ADGRE1: variants seen among roughly 807,000 people sequenced by gnomAD.
The protein encoded by ADGRE1 is adhesion G protein-coupled receptor E1.
Under a neutral mutation model 102.7 loss-of-function variants are expected in ADGRE1, and 82 were observed. The observed-to-expected ratio is 0.80, with a 90% confidence interval of 0.67 to 0.96. ADGRE1 has a LOEUF of 0.96. Among genes scored for constraint, ADGRE1 ranks in the 40% least tolerant of loss-of-function variants. The probability of loss-of-function intolerance (pLI) is 0.00; values close to 1 mark genes in which losing one functional copy is unlikely to be tolerated. For missense variants in ADGRE1, 1,032 were observed against 1,085.3 expected, an observed-to-expected ratio of 0.95 and a Z score of 0.69; for synonymous variants, 398 against 399.6, an observed-to-expected ratio of 1.00 and a Z score of 0.05.
intron 2 of ADGRE1, among the ~76,000 whole-genome samples, chr19:6,894,264 C>T (rs560800378): frequency 2.0e-5 from 3 of 152,276 alleles, no homozygotes; most frequent in Admixed American, 6.5e-5. Flanking sequence ...AGCAAGTGAG[C>T]CTCTTTCCTA....
At chr19:6,912,246 A>C (rs1351222443) in intron 10 of ADGRE1, among the ~76,000 whole-genome samples, 1 of 152,150 alleles carries the variant, frequency 6.6e-6, no homozygotes, top group African/African-American at 2.4e-5. Context: ...ACACACACAC[A>C]CATGCACACA....
At chr19:6,931,859 G>A (rs549557994) in intron 17 of ADGRE1, among the ~76,000 whole-genome samples, 2 of 151,842 alleles carry the variant, frequency 1.3e-5, no homozygotes, top group African/African-American at 4.8e-5. Context: ...CTGCCCTAAT[G>A]AGTTCATCTT....
At chr19:6,935,999 C>T (rs991576915) in intron 18 of ADGRE1, among the ~76,000 whole-genome samples, 1 of 152,180 alleles carries the variant, frequency 6.6e-6, no homozygotes, top group South Asian at 2.1e-4. Flanking sequence ...CTAACTTCCC[C>T]ACTCAACTAC....
intron 16 of ADGRE1, among the ~76,000 whole-genome samples, chr19:6,927,584 C>T (rs1974973977): frequency 6.6e-6 from 1 of 152,032 alleles, no homozygotes; most frequent in Non-Finnish European, 1.5e-5. Flanking sequence ...GACAGGTTGC[C>T]CTATCTAAGG....
At chr19:6,903,669 G>A in intron 6 of ADGRE1, 141 bp from the exon 7 acceptor site, 1 of 1,074,602 alleles carries the variant, frequency 9.3e-7, no homozygotes, top group South Asian at 1.5e-5. Flanking sequence ...ACCTCACCTA[G>A]ATGCAGAGGG....
chr19:6,895,582 C>T (rs900574342), intron 2 of ADGRE1: 4 of 152,170 alleles, frequency 2.6e-5, no homozygotes, highest in Non-Finnish European at 4.4e-5. Flanking sequence ...ATCCCCGGCC[C>T]CCTTCCCCAG....
chr19:6,898,685 C>T, intron 5 of ADGRE1: 1 of 1,006,658 alleles, frequency 9.9e-7, no homozygotes, highest in East Asian at 2.4e-5. Flanking sequence ...GGATTCATCT[C>T]TAGAAACTCT....
chr19:6,904,785 C>A (rs941323073), intron 8 of ADGRE1, among the ~76,000 whole-genome samples: 5 of 152,084 alleles, frequency 3.3e-5, no homozygotes, highest in African/African-American at 1.2e-4. Flanking sequence ...GGATTACAGG[C>A]ATGAGCCACT....
chr19:6,922,859 C>T (rs895788387), intron 14 of ADGRE1, among the ~76,000 whole-genome samples: 1 of 151,916 alleles, frequency 6.6e-6, no homozygotes, highest in South Asian at 2.1e-4. Flanking sequence ...GGGCAGATCA[C>T]AAGGTCAGGA....
At chr19:6,907,262 CTA>C (rs985423605) in intron 9 of ADGRE1, among the ~76,000 whole-genome samples, 3 of 152,004 alleles carry the variant, frequency 2.0e-5, no homozygotes, top group Non-Finnish European at 4.4e-5. Context: ...ACCACTTTAA[CTA>C]TTTTAAAGTG....
At chr19:6,930,548 G>A (rs1252548007) in intron 17 of ADGRE1, among the ~76,000 whole-genome samples, 1 of 152,122 alleles carries the variant, frequency 6.6e-6, no homozygotes, top group Non-Finnish European at 1.5e-5. Context: ...CAGAGTCAAC[G>A]AGGTATCTGT....
chr19:6,935,124 T>C (rs760582006), intron 18 of ADGRE1, 46 bp downstream of exon 18: 79 of 1,485,758 alleles, frequency 5.3e-5, no homozygotes, highest in Non-Finnish European at 2.2e-5. Flanking sequence ...TTCCTCTTTC[T>C]TCTTCCCAGA....
Position 6,887,625 on chromosome 19 carries a change from TG to T in ADGRE1, c.18del (p.Leu7SerfsTer16), listed in dbSNP as rs1973199055. MRGFN[L>X]LLFWGCCVMH... ...TACAGCATAATGCGTGGCTTCAACCTGCTCCTCTTCTGGGGTGAGTGTGAGG... is the reference window on the plus strand; with the variant it reads ...TACAGCATAATGCGTGGCTTCAACCTCTCCTCTTCTGGGGTGAGTGTGAGG... On this transcript the variant is annotated frameshift_variant, in exon 1 of 21. Coordinates refer to ENST00000312053, the MANE Select transcript of ADGRE1 (RefSeq NM_001974.5). LOFTEE classifies it high-confidence loss of function. 6.2e-7 allele frequency: 1 copy of T among 1,612,662 alleles called. No individual in the cohort carries two copies. The highest frequency in any genetic ancestry group is 8.5e-7 in the Non-Finnish European group (1 of 1,179,472).
At position 6,902,622 on chromosome 19, in the gene ADGRE1, G is replaced by A. The variant is rs150161509; in HGVS notation, c.661+601G>A. Among the ~76,000 whole-genome samples the A allele has an allele frequency of 2.0e-3, 299 of 152,074 alleles. 1 individual carries two copies. Among genetic ancestry groups the A allele is most frequent in the African/African-American group, 6.7e-3 (280 of 41,484 alleles). On this transcript the variant is annotated intron_variant, in intron 6 of 20. Coordinates refer to ENST00000312053, the MANE Select transcript of ADGRE1 (RefSeq NM_001974.5). ...TGTCCAGCTAATTTTTGTATTTTTA[G>A]TAGAGACAAGGTTTCACCGTGTTGG...
chr19:6,892,480 C>T (rs1184062871), intron 2 of ADGRE1, among the ~76,000 whole-genome samples: 2 of 152,160 alleles, frequency 1.3e-5, no homozygotes, highest in Admixed American at 1.3e-4. Context: ...CATTGATTCC[C>T]TCTGGGTTGT....
chr19:6,933,801 C>T (rs746160833), intron 17 of ADGRE1, among the ~76,000 whole-genome samples: 10 of 152,186 alleles, frequency 6.6e-5, no homozygotes, highest in South Asian at 2.1e-4. Context: ...CCCTTCTCCC[C>T]GCTGCCCCCA....
At chr19:6,895,324 G>A (rs2144888534) in intron 2 of ADGRE1, 1 of 152,392 alleles carries the variant, frequency 6.6e-6, no homozygotes, top group South Asian at 2.1e-4. Flanking sequence ...CTAGCTGCAA[G>A]AGAAGCTGGG....
intron 17 of ADGRE1, chr19:6,928,627 T>TA (rs1975019084): frequency 8.3e-6 from 1 of 121,148 alleles, no homozygotes; most frequent in Non-Finnish European, 1.5e-5. Flanking sequence ...AAACTCCGTC[T>TA]CAAAAAAAAA....
chr19:6,934,865 C>T, intron 17 of ADGRE1, 122 bp from the exon 18 acceptor site: 2 of 504,652 alleles, frequency 4.0e-6, no homozygotes, highest in South Asian at 9.0e-5. Flanking sequence ...CCTCAGCCTC[C>T]CAAAGTGCTG....
Sources: allele counts gnomAD v4.1 joint callset (sites outside exome capture counted in the v4.1 genomes callset), GRCh38; gene constraint gnomAD v4.1.1; transcripts MANE v1.5; gene names NCBI Gene and HGNC (gene_info 2026-07-23, HGNC 2026-07-21).